The following SCN11A variants were observed in gnomAD, a reference collection of about 807,000 sequenced individuals.
SCN11A encodes the protein sodium channel protein type 11 subunit alpha.
A neutral mutation model predicts 162.2 loss-of-function variants in SCN11A; 122 were observed. The ratio of observed to expected loss-of-function variants is 0.75; its 90% CI spans 0.65 to 0.87. The LOEUF is 0.87. SCN11A is among the 40% of genes least tolerant of loss of function. The pLI, the probability that SCN11A is intolerant of heterozygous loss-of-function variation, is 0.00. For missense variants in SCN11A, 2,015 were observed against 2,181.6 expected, an observed-to-expected ratio of 0.92 and a Z score of 1.52; for synonymous variants, 758 against 751.5, an observed-to-expected ratio of 1.01 and a Z score of -0.14.
chr3:39,020,277 A>G (rs2031414569), intron 2 of SCN11A, among the ~76,000 whole-genome samples: 1 of 152,214 alleles, frequency 6.6e-6, no homozygotes, highest in Non-Finnish European at 1.5e-5. Context: ...ACTCACTGAT[A>G]CTTGAAAGAA....
At chr3:38,990,865 A>C (rs190474551) in intron 2 of SCN11A, among the ~76,000 whole-genome samples, 4 of 152,206 alleles carry the variant, frequency 2.6e-5, no homozygotes, top group Admixed American at 2.6e-4. Context: ...CCTGACCACC[A>C]CACTGTGTGT....
intron 7 of SCN11A, among the ~76,000 whole-genome samples, chr3:38,940,010 T>C (rs910293144): frequency 6.7e-6 from 1 of 150,330 alleles, no homozygotes; most frequent in Non-Finnish European, 1.5e-5. Context: ...TAGCACACAA[T>C]TTTATATATA....
chr3:38,902,796 C>G (rs973665142), intron 16 of SCN11A, among the ~76,000 whole-genome samples: 1 of 150,890 alleles, frequency 6.6e-6, no homozygotes, highest in African/African-American at 2.4e-5. Context: ...GGATTACAGG[C>G]GTGAGCCACT....
At chr3:39,037,094 G>C (rs1005958402) in intron 1 of SCN11A, among the ~76,000 whole-genome samples, 4 of 152,200 alleles carry the variant, frequency 2.6e-5, no homozygotes, top group Non-Finnish European at 5.9e-5. Context: ...CAACAGACAA[G>C]TGGATAAAGA....
chr3:38,899,148 C>T (rs746886057), intron 17 of SCN11A, among the ~76,000 whole-genome samples: 5 of 152,134 alleles, frequency 3.3e-5, no homozygotes, highest in Non-Finnish European at 5.9e-5. Flanking sequence ...GACAAAATCC[C>T]ACCTTGGAGG....
intron 14 of SCN11A, among the ~76,000 whole-genome samples, chr3:38,905,630 A>C (rs1157617025): frequency 2.0e-5 from 3 of 152,222 alleles, no homozygotes; most frequent in African/African-American, 7.2e-5. Context: ...TACAAAAACT[A>C]GTAAGCAATG....
At chr3:38,979,893 C>T (rs1394350691) in intron 2 of SCN11A, among the ~76,000 whole-genome samples, 2 of 152,206 alleles carry the variant, frequency 1.3e-5, no homozygotes, top group Non-Finnish European at 2.9e-5. Context: ...AAGGCTTCCC[C>T]AGCAAAAATT....
intron 6 of SCN11A, 76 bp from the exon 7 acceptor site, chr3:38,945,588 C>A (rs1459782184): frequency 2.2e-6 from 2 of 903,588 alleles, no homozygotes; most frequent in Non-Finnish European, 3.2e-6. Flanking sequence ...CTGGGGGTGC[C>A]CCTGATGGTC....
intron 14 of SCN11A, among the ~76,000 whole-genome samples, chr3:38,906,005 G>A (rs2065786529): frequency 6.6e-6 from 1 of 152,194 alleles, no homozygotes. Flanking sequence ...CGACTCACCA[G>A]AGCCCCAGAG....
intron 2 of SCN11A, among the ~76,000 whole-genome samples, chr3:39,019,963 C>T (rs1397514595): frequency 1.3e-5 from 2 of 152,128 alleles, no homozygotes; most frequent in African/African-American, 4.8e-5. Context: ...TGAGTAAAGG[C>T]TGTGGTGAAG....
intron 19 of SCN11A, among the ~76,000 whole-genome samples, chr3:38,892,278 A>G (rs1464466869): frequency 6.6e-6 from 1 of 152,234 alleles, no homozygotes; most frequent in African/African-American, 2.4e-5. Context: ...AGAATACTAA[A>G]GGACATCCTA....
Position 38,871,454 on chromosome 3 carries a change from C to A in SCN11A, c.3750G>T (p.Leu1250=). 2 of 1,604,026 alleles carry A rather than the reference C, an allele frequency of 1.2e-6. No homozygotes were observed. Among genetic ancestry groups the A allele is most frequent in the East Asian group, 2.2e-5 (1 of 44,824 alleles). The change falls in exon 25 of 30, where the codon CTG becomes CTT. Residue 1250 remains leucine, a synonymous_variant. Transcript: ENST00000302328. ...TACTGACTGTACTTACCACTTGCAG[C>A]AGAGCGAGGTAAGCATTTCCCACAT... The part of the protein sequence containing the change: ...FDNVGNAYLA[L]LQVATFKGWM...
intron 7 of SCN11A, among the ~76,000 whole-genome samples, chr3:38,927,416 A>G (rs1266730819): frequency 6.6e-6 from 1 of 152,172 alleles, no homozygotes. Flanking sequence ...TGCAATCCTT[A>G]TCAAACTCCC....
At chr3:38,975,119 G>C (rs542389530) in intron 2 of SCN11A, among the ~76,000 whole-genome samples, 1 of 148,312 alleles carries the variant, frequency 6.7e-6, no homozygotes, top group South Asian at 2.4e-4. Context: ...CTTGTATGCT[G>C]ATAAAAAACT....
At chr3:38,983,817 A>AAT (rs2030141312) in intron 2 of SCN11A, among the ~76,000 whole-genome samples, 1 of 152,212 alleles carries the variant, frequency 6.6e-6, no homozygotes, top group Non-Finnish European at 1.5e-5. Flanking sequence ...TGCTTAAGCT[A>AAT]ACTTGTGTTG....
At chr3:38,955,528 T>C (rs1183877894) in intron 3 of SCN11A, among the ~76,000 whole-genome samples, 1 of 152,112 alleles carries the variant, frequency 6.6e-6, no homozygotes, top group African/African-American at 2.4e-5. Flanking sequence ...ATTGATAAAT[T>C]AATAGAAAAT....
chr3:39,024,903 G>C (rs145289776), intron 2 of SCN11A, among the ~76,000 whole-genome samples: 1 of 152,192 alleles, frequency 6.6e-6, no homozygotes, highest in East Asian at 1.9e-4. Flanking sequence ...AATTTCCCCT[G>C]TATCTTTGGG....
intron 23 of SCN11A, among the ~76,000 whole-genome samples, chr3:38,873,952 T>A (rs1188293680): frequency 6.6e-6 from 1 of 152,204 alleles, no homozygotes; most frequent in Admixed American, 6.5e-5. Context: ...TCCTCCTTGG[T>A]GAATACCTAG....
At chr3:38,997,878 G>A (rs1399291321) in intron 2 of SCN11A, among the ~76,000 whole-genome samples, 1 of 152,188 alleles carries the variant, frequency 6.6e-6, no homozygotes, top group East Asian at 1.9e-4. Context: ...ACCAATGCCT[G>A]TTAAGGTACA....
Sources: allele counts gnomAD v4.1 joint callset (sites outside exome capture counted in the v4.1 genomes callset), GRCh38; gene constraint gnomAD v4.1.1; transcripts MANE v1.5; gene names NCBI Gene and HGNC (gene_info 2026-07-23, HGNC 2026-07-21).